Variants in C1orf87 observed in about 807,000 individuals in gnomAD.
C1orf87 encodes the protein uncharacterized protein C1orf87.
C1orf87 carries 58 observed loss-of-function variants against 60.5 expected under a neutral mutation model. That is an observed-to-expected ratio of 0.96 (90% CI 0.78 to 1.19). C1orf87 has a LOEUF of 1.19. Among genes scored for constraint, C1orf87 ranks in the 50% most tolerant of loss-of-function variants. C1orf87 has a pLI of 0.00. For synonymous variants in C1orf87, 236 were observed against 227.4 expected, an observed-to-expected ratio of 1.04 and a Z score of -0.34; for missense variants, 673 against 638.6, an observed-to-expected ratio of 1.05 and a Z score of -0.58.
At chr1:60,073,008 G>T (rs1448664443) in intron 1 of C1orf87, among the ~76,000 whole-genome samples, 1 of 152,174 alleles carries the variant, frequency 6.6e-6, no homozygotes, top group Non-Finnish European at 1.5e-5. Flanking sequence ...ACAAGACATA[G>T]GATGGAATTC....
intron 3 of C1orf87, among the ~76,000 whole-genome samples, chr1:60,042,084 G>T (rs564924533): frequency 6.6e-6 from 1 of 152,142 alleles, no homozygotes; most frequent in Non-Finnish European, 1.5e-5. Context: ...CAAGTAGCCC[G>T]ATGTGGTGTG....
intron 3 of C1orf87, among the ~76,000 whole-genome samples, chr1:60,048,686 A>C (rs1645391039): frequency 6.6e-6 from 1 of 152,104 alleles, no homozygotes; most frequent in South Asian, 2.1e-4. Flanking sequence ...TCCATTCATC[A>C]TGTTCCATCT....
intron 7 of C1orf87, among the ~76,000 whole-genome samples, chr1:60,032,964 T>C (rs1422410835): frequency 2.0e-5 from 3 of 152,190 alleles, no homozygotes; most frequent in African/African-American, 7.2e-5. Flanking sequence ...AGCCTTATGA[T>C]GGGGTTTATT....
chr1:60,022,525 A>G (rs1189571538), intron 8 of C1orf87, among the ~76,000 whole-genome samples: 1 of 152,156 alleles, frequency 6.6e-6, no homozygotes, highest in Admixed American at 6.5e-5. Flanking sequence ...TCCAAGACCC[A>G]TCGTGGATGC....
At chr1:60,017,321 C>T (rs936796007) in intron 8 of C1orf87, among the ~76,000 whole-genome samples, 1 of 152,146 alleles carries the variant, frequency 6.6e-6, no homozygotes, top group African/African-American at 2.4e-5. Flanking sequence ...CTGAATCAGA[C>T]ACCTCAGGTT....
At chr1:60,039,298 T>G (rs958011332) in intron 5 of C1orf87, among the ~76,000 whole-genome samples, 4 of 152,180 alleles carry the variant, frequency 2.6e-5, no homozygotes, top group Non-Finnish European at 5.9e-5. Flanking sequence ...TTTCAGGGTA[T>G]TTTCCTCTGG....
Position 60,040,129 on chromosome 1 carries a change from C to T in C1orf87, c.535G>A (p.Ala179Thr), listed in dbSNP as rs146681392. Residue 179 changes from alanine to threonine, a missense_variant, in exon 5 of 12, where the codon GCC becomes ACC. Transcript: ENST00000371201. ...GACTTGAGTTCTCTTCTGACCAGGGCAAGAAGAAAAGCGTCTTCATTTGTT... is the reference window on the plus strand; with the variant it reads ...GACTTGAGTTCTCTTCTGACCAGGGTAAGAAGAAAAGCGTCTTCATTTGTT... ...GTTNEDAFLL[A>T]LVRRELKSRP... 2 of 1,614,028 alleles carry T rather than the reference C, an allele frequency of 1.2e-6. No homozygotes were observed. Among genetic ancestry groups the T allele is most frequent in the Admixed American group, 1.7e-5 (1 of 59,988 alleles).
At chr1:60,041,221 C>A in intron 3 of C1orf87, 90 bp from the exon 4 acceptor site, 1 of 1,176,546 alleles carries the variant, frequency 8.5e-7, no homozygotes, top group African/African-American at 1.5e-5. Flanking sequence ...AGTAAACCAA[C>A]CAATTTATTT....
Position 60,055,399 on chromosome 1 carries a change from C to T in C1orf87, c.147G>A (p.Met49Ile). 6.2e-7 allele frequency: 1 copy of T among 1,614,122 alleles called. No homozygotes were observed. Among genetic ancestry groups the T allele is most frequent in the Non-Finnish European group, 8.5e-7 (1 of 1,180,008 alleles). The change falls in exon 3 of 12, where the codon ATG (methionine) becomes ATA (isoleucine). Residue 49 changes from methionine to isoleucine, a missense_variant. Coordinates refer to ENST00000371201, the MANE Select transcript of C1orf87 (RefSeq NM_152377.3). The part of the protein sequence containing the change: ...NDSLKTETQT[M>I]HQKPMTDNAR... ...CATTATCAGTCATTGGTTTCTGGTG[C>T]ATTGTTTGGGTTTCTGTTTTCAAGC...
intron 8 of C1orf87, among the ~76,000 whole-genome samples, chr1:60,019,209 T>C (rs1645144980): frequency 6.6e-6 from 1 of 152,170 alleles, no homozygotes; most frequent in Non-Finnish European, 1.5e-5. Context: ...GTTCTCATGA[T>C]AGTTTTCACG....
At chr1:59,994,614 T>G (rs1644950353) in intron 11 of C1orf87, among the ~76,000 whole-genome samples, 1 of 151,992 alleles carries the variant, frequency 6.6e-6, no homozygotes, top group Non-Finnish European at 1.5e-5. Context: ...CCCAGACATT[T>G]ATCTTAACCA....
At chr1:60,002,415 C>T (rs925422566) in intron 9 of C1orf87, among the ~76,000 whole-genome samples, 3 of 152,010 alleles carry the variant, frequency 2.0e-5, no homozygotes, top group African/African-American at 7.2e-5. Context: ...TGTTTTTTGG[C>T]TGCATAAATG....
intron 2 of C1orf87, among the ~76,000 whole-genome samples, chr1:60,061,802 A>T (rs960158414): frequency 6.7e-6 from 1 of 149,488 alleles, no homozygotes; most frequent in East Asian, 2.0e-4. Flanking sequence ...AAAAAAAAAA[A>T]TAGCTGGGCT....
chr1:60,070,204 G>A (rs1056123920), intron 2 of C1orf87, among the ~76,000 whole-genome samples: 1 of 152,136 alleles, frequency 6.6e-6, no homozygotes, highest in African/African-American at 2.4e-5. Flanking sequence ...GCATCTAAAA[G>A]GCTACCTTCA....
intron 2 of C1orf87, among the ~76,000 whole-genome samples, chr1:60,068,198 T>C (rs912231951): frequency 2.6e-5 from 4 of 152,066 alleles, no homozygotes; most frequent in African/African-American, 9.7e-5. Flanking sequence ...CCTCCACATC[T>C]CTCTGTCTGA....
At chr1:60,066,715 T>C (rs577462259) in intron 2 of C1orf87, among the ~76,000 whole-genome samples, 4 of 152,178 alleles carry the variant, frequency 2.6e-5, no homozygotes, top group East Asian at 1.9e-4. Context: ...CTGGGATACA[T>C]GTGCAGAATG....
chr1:60,013,677 T>G (rs979978547), intron 8 of C1orf87, among the ~76,000 whole-genome samples: 2 of 151,366 alleles, frequency 1.3e-5, no homozygotes, highest in African/African-American at 4.9e-5. Flanking sequence ...TAGTGTATAT[T>G]TGCTTTTTTT....
chr1:60,035,367 T>C (rs1334690311), intron 6 of C1orf87, among the ~76,000 whole-genome samples: 1 of 152,226 alleles, frequency 6.6e-6, no homozygotes, highest in Non-Finnish European at 1.5e-5. Context: ...TTACTGCAGC[T>C]GGTAGGGCTT....
At chr1:59,995,602 T>G (rs1179691233) in intron 11 of C1orf87, among the ~76,000 whole-genome samples, 1 of 152,208 alleles carries the variant, frequency 6.6e-6, no homozygotes, top group Non-Finnish European at 1.5e-5. Context: ...ACTGTCCAAA[T>G]TCTACCTGAA....
Sources: allele counts gnomAD v4.1 joint callset (sites outside exome capture counted in the v4.1 genomes callset), GRCh38; gene constraint gnomAD v4.1.1; transcripts MANE v1.5; gene names NCBI Gene and HGNC (gene_info 2026-07-23, HGNC 2026-07-21).